Variants in PAN3 observed in about 807,000 individuals in gnomAD.
PAN3 encodes the protein PAN2-PAN3 deadenylation complex subunit PAN3.
In PAN3, 19 loss-of-function variants were observed where a neutral mutation model predicts 96.2. That is an observed-to-expected ratio of 0.20 (90% CI 0.14 to 0.29). The LOEUF (loss-of-function observed/expected upper bound fraction) is 0.29. PAN3 is among the 10% of genes least tolerant of loss of function. The probability of loss-of-function intolerance (pLI) is 1.00; values close to 1 mark genes in which losing one functional copy is unlikely to be tolerated. For synonymous variants in PAN3, 433 were observed against 406.6 expected, an observed-to-expected ratio of 1.06 and a Z score of -0.78; for missense variants, 882 against 1,108.1, an observed-to-expected ratio of 0.80 and a Z score of 2.90.
intron 2 of PAN3, among the ~76,000 whole-genome samples, chr13:28,175,941 T>C (rs1163504683): frequency 2.0e-5 from 3 of 152,156 alleles, no homozygotes; most frequent in Non-Finnish European, 2.9e-5. Flanking sequence ...TTTAAGGCAT[T>C]GAGTTAGAAG....
chr13:28,181,084 G>A (rs756725499), intron 4 of PAN3, among the ~76,000 whole-genome samples: 2 of 152,196 alleles, frequency 1.3e-5, no homozygotes, highest in Non-Finnish European at 2.9e-5. Context: ...AGGTATGCTT[G>A]CTTACAGGTG....
intron 4 of PAN3, among the ~76,000 whole-genome samples, chr13:28,192,432 G>A (rs1877413184): frequency 6.6e-6 from 1 of 152,110 alleles, no homozygotes; most frequent in South Asian, 2.1e-4. Flanking sequence ...TCTGCTAATG[G>A]TGAACTGCAT....
Position 28,261,443 on chromosome 13 carries a change from C to G in PAN3, c.1396C>G (p.Gln466Glu), listed in dbSNP as rs1197629082. 4 of 1,610,364 alleles carry G rather than the reference C, an allele frequency of 2.5e-6. No homozygotes were observed. The highest frequency in any genetic ancestry group is 3.4e-6 in the Non-Finnish European group (4 of 1,178,044). Residue 466 changes from glutamine to glutamate, a missense_variant, in exon 9 of 19, where the codon CAA (glutamine) becomes GAA (glutamate). This residue lies in a region of PAN3 where 364 missense variants were observed against 513.6 expected (regional missense o/e 0.71). Transcript: ENST00000380958. The part of the protein sequence containing the change: ...RHLITMAQID[Q>E]ADMPAVPTEV... ...TTTAATAACAATGGCTCAAATTGAT[C>G]AAGCAGATATGCCAGGTAAAAAGCA...
chr13:28,253,694 C>G (rs1884923827), intron 6 of PAN3, among the ~76,000 whole-genome samples: 1 of 146,456 alleles, frequency 6.8e-6, no homozygotes, highest in Admixed American at 6.6e-5. Flanking sequence ...CATGCAGCCT[C>G]AAACCCCTGG....
chr13:28,264,051 G>A (rs1474469251), intron 9 of PAN3, among the ~76,000 whole-genome samples: 1 of 152,120 alleles, frequency 6.6e-6, no homozygotes, highest in Non-Finnish European at 1.5e-5. Context: ...CTGAATTACA[G>A]TGCAGTGAAC....
intron 2 of PAN3, among the ~76,000 whole-genome samples, chr13:28,176,290 G>C (rs976435620): frequency 3.9e-5 from 6 of 152,120 alleles, no homozygotes; most frequent in Non-Finnish European, 8.8e-5. Context: ...TTGAATACCT[G>C]GGTAGTGAGT....
intron 1 of PAN3, among the ~76,000 whole-genome samples, chr13:28,166,153 G>A (rs981448518): frequency 6.6e-6 from 1 of 152,164 alleles, no homozygotes; most frequent in Non-Finnish European, 1.5e-5. Context: ...GTATGGATGA[G>A]ACTCAAGGTA....
intron 5 of PAN3, chr13:28,215,922 C>G: frequency 8.5e-7 from 1 of 1,175,860 alleles, no homozygotes; most frequent in Non-Finnish European, 1.3e-6. Flanking sequence ...ACCTGCCACT[C>G]TAGTCTTAAT....
rs527590111 is a variant in PAN3, at chr13:28,164,483, C to A, written c.431-9789C>A. ...CATCGCCAGCATCTTCTCTGTAATG[C>A]CCTACTTGGCACTTGTAGCTGGGTA... is the stretch of plus-strand genomic sequence containing the variant. On this transcript the variant is annotated intron_variant, in intron 1 of 18. Coordinates refer to ENST00000380958, the MANE Select transcript of PAN3 (RefSeq NM_175854.8). Among the ~76,000 whole-genome samples, 15 of 152,336 alleles carry A rather than the reference C, an allele frequency of 9.8e-5. No homozygotes were observed. In the South Asian group the frequency reaches 3.1e-3, roughly 32 times the overall value.
chr13:28,202,412 C>T (rs1421191006), intron 5 of PAN3, among the ~76,000 whole-genome samples: 1 of 152,000 alleles, frequency 6.6e-6, no homozygotes, highest in Non-Finnish European at 1.5e-5. Context: ...TAATTTTTGT[C>T]AATTTTTTTT....
At chr13:28,262,902 A>C (rs1885854104) in intron 9 of PAN3, among the ~76,000 whole-genome samples, 1 of 152,232 alleles carries the variant, frequency 6.6e-6, no homozygotes, top group African/African-American at 2.4e-5. Flanking sequence ...TTTATTACGC[A>C]GTATTAAATA....
chr13:28,276,709 G>C (rs1447995499), intron 14 of PAN3, among the ~76,000 whole-genome samples: 2 of 152,098 alleles, frequency 1.3e-5, no homozygotes, highest in African/African-American at 4.8e-5. Context: ...CTAAAATCTG[G>C]TTAATGCTAA....
chr13:28,235,722 C>CACACACACAT (rs763204992), intron 6 of PAN3, among the ~76,000 whole-genome samples: 41 of 149,066 alleles, frequency 2.8e-4, no homozygotes, highest in African/African-American at 1.0e-3. Flanking sequence ...CACACACACA[C>CACACACACAT]ATATATATAT....
chr13:28,147,895 C>T (rs1311458819), intron 1 of PAN3, among the ~76,000 whole-genome samples: 1 of 152,122 alleles, frequency 6.6e-6, no homozygotes, highest in African/African-American at 2.4e-5. Flanking sequence ...GGCATTCTCT[C>T]TCTTGCTTTT....
chr13:28,226,420 TAATATC>T (rs1184056891), intron 6 of PAN3, among the ~76,000 whole-genome samples: 4 of 152,276 alleles, frequency 2.6e-5, no homozygotes, highest in African/African-American at 9.6e-5. Context: ...GTTTTGTACT[TAATATC>T]AATAATGGTA....
Position 28,160,724 on chromosome 13 carries a change from G to A in PAN3, c.431-13548G>A, listed in dbSNP as rs187242214. 3.0e-3 allele frequency among the ~76,000 whole-genome samples: 463 copies of A among 152,230 alleles called. 3 individuals are homozygous for A. Among genetic ancestry groups the A allele is most frequent in the African/African-American group, 0.011 (446 of 41,550 alleles). On this transcript the variant is annotated intron_variant, in intron 1 of 18. Transcript: ENST00000380958. ...ATTTTATCTAATTTATCAGAACTAGGGTTGAATGTTTCACAGTAAATGGAT... is the reference window on the plus strand; with the variant it reads ...ATTTTATCTAATTTATCAGAACTAGAGTTGAATGTTTCACAGTAAATGGAT...
chr13:28,163,341 A>G (rs1435207330), intron 1 of PAN3, among the ~76,000 whole-genome samples: 1 of 152,214 alleles, frequency 6.6e-6, no homozygotes, highest in African/African-American at 2.4e-5. Context: ...AATGAGTGAT[A>G]TAAATAGTAT....
chr13:28,235,682 T>TACACAC (rs143752644), intron 6 of PAN3, among the ~76,000 whole-genome samples: 25 of 123,404 alleles, frequency 2.0e-4, no homozygotes, highest in African/African-American at 4.9e-4. Context: ...TTCTCTAATA[T>TACACAC]ACACACACAC....
chr13:28,142,125 G>A (rs1869935906), intron 1 of PAN3, among the ~76,000 whole-genome samples: 1 of 152,112 alleles, frequency 6.6e-6, no homozygotes, highest in African/African-American at 2.4e-5. Flanking sequence ...AATTCCTTAT[G>A]GATGGAGATT....
Sources: gnomAD v4.1 joint callset for allele counts (sites outside exome capture counted in the v4.1 genomes callset) on GRCh38, gnomAD v4.1.1 for gene constraint, gnomAD v4.1.1 regional missense constraint, MANE v1.5 for transcripts, NCBI Gene and HGNC (gene_info 2026-07-23, HGNC 2026-07-21) for gene names.